Variants in PHACTR1 observed in about 807,000 individuals in gnomAD.
PHACTR1 encodes the protein phosphatase and actin regulator 1.
PHACTR1 carries 16 observed loss-of-function variants against 69.2 expected under a neutral mutation model. The observed-to-expected ratio is 0.23, with a 90% confidence interval of 0.16 to 0.35. The LOEUF is 0.35. PHACTR1 is among the 10% of genes least tolerant of loss of function. The pLI is 1.00. For synonymous variants in PHACTR1, 312 were observed against 284.5 expected (o/e 1.10, Z -0.97); for missense variants, 510 against 734.7 (o/e 0.69, Z 3.54).
At chr6:12,943,083 T>C (rs978344158) in intron 4 of PHACTR1, among the ~76,000 whole-genome samples, 1 of 152,220 alleles carries the variant, frequency 6.6e-6, no homozygotes, top group Non-Finnish European at 1.5e-5. Context: ...CATAGCAGCG[T>C]TACTCACAAT....
intron 5 of PHACTR1, among the ~76,000 whole-genome samples, chr6:13,110,006 G>GT (rs1816787434): frequency 6.6e-6 from 1 of 151,332 alleles, no homozygotes; most frequent in Non-Finnish European, 1.5e-5. Context: ...TTTCTTTGTT[G>GT]TTTTTTTAAT....
At chr6:12,966,655 C>G (rs1307202443) in intron 4 of PHACTR1, among the ~76,000 whole-genome samples, 2 of 152,108 alleles carry the variant, frequency 1.3e-5, no homozygotes, top group Non-Finnish European at 2.9e-5. Context: ...TTCTTCTCTT[C>G]TGGCCTTTAG....
chr6:12,901,428 A>C (rs2127482600), intron 4 of PHACTR1, among the ~76,000 whole-genome samples: 1 of 152,256 alleles, frequency 6.6e-6, no homozygotes, highest in South Asian at 2.1e-4. Flanking sequence ...AGGGAAGGAA[A>C]GGTTGGAGGA....
chr6:13,091,135 C>CA (rs781380890), intron 5 of PHACTR1, among the ~76,000 whole-genome samples: 2 of 151,972 alleles, frequency 1.3e-5, no homozygotes, highest in Non-Finnish European at 2.9e-5. Flanking sequence ...CTCAGCCTCC[C>CA]AAGTAGCTGG....
At chr6:12,906,282 C>G (rs1172642912) in intron 4 of PHACTR1, among the ~76,000 whole-genome samples, 3 of 152,174 alleles carry the variant, frequency 2.0e-5, no homozygotes, top group Non-Finnish European at 2.9e-5. Flanking sequence ...AGAATTGATA[C>G]TTGGCTTACA....
chr6:12,965,982 G>A (rs984095119), intron 4 of PHACTR1, among the ~76,000 whole-genome samples: 8 of 152,140 alleles, frequency 5.3e-5, no homozygotes, highest in East Asian at 1.9e-4. Flanking sequence ...TAAAGGGCCC[G>A]GACATGGCGG....
intron 4 of PHACTR1, among the ~76,000 whole-genome samples, chr6:13,014,398 C>T (rs1410436178): frequency 6.6e-6 from 1 of 152,196 alleles, no homozygotes; most frequent in East Asian, 1.9e-4. Context: ...GTTAAAAGAG[C>T]AAGTCTGGGA....
intron 7 of PHACTR1, among the ~76,000 whole-genome samples, chr6:13,185,739 A>G (rs189278647): frequency 3.4e-3 from 515 of 152,316 alleles, no homozygotes; most frequent in Non-Finnish European, 4.8e-3. Context: ...TCCAACTTTG[A>G]TAATAGTTTC....
In PHACTR1 at chr6:12,896,166, G is replaced by A. The variant is rs140624244; in HGVS notation, c.250+146376G>A. Among the ~76,000 whole-genome samples the A allele has an allele frequency of 2.6e-5, 4 of 152,290 alleles. No homozygotes were observed. In the South Asian group the frequency reaches 6.2e-4, roughly 24 times the overall value. On this transcript the variant is annotated intron_variant, in intron 4 of 14. Transcript: ENST00000332995. ...CCAATACCACAATGACTTTATGTACGTCAGGCATAGCCCTTGTGTACGTAA... is the reference window on the plus strand; with the variant it reads ...CCAATACCACAATGACTTTATGTACATCAGGCATAGCCCTTGTGTACGTAA...
chr6:13,017,405 G>A (rs1441437691), intron 4 of PHACTR1, among the ~76,000 whole-genome samples: 4 of 152,054 alleles, frequency 2.6e-5, no homozygotes, highest in Admixed American at 6.6e-5. Flanking sequence ...GAATGAGAAG[G>A]AATTGCAGAA....
intron 4 of PHACTR1, chr6:12,933,598 A>G: frequency 6.2e-7 from 1 of 1,607,768 alleles, no homozygotes; most frequent in Non-Finnish European, 8.5e-7. Context: ...ACCTGGGCTC[A>G]CACCTTAATG....
chr6:12,726,750 T>C (rs1339961002), intron 3 of PHACTR1, among the ~76,000 whole-genome samples: 3 of 152,192 alleles, frequency 2.0e-5, no homozygotes, highest in Non-Finnish European at 4.4e-5. Flanking sequence ...GCAGGAACAG[T>C]GCTTGCAAGT....
chr6:13,038,483 G>A (rs1803671768), intron 4 of PHACTR1, among the ~76,000 whole-genome samples: 1 of 128,060 alleles, frequency 7.8e-6, no homozygotes, highest in African/African-American at 3.0e-5. Context: ...GAGTGTTCAA[G>A]TGTTTAAAAA....
At chr6:12,870,872 T>C (rs1781961053) in intron 4 of PHACTR1, among the ~76,000 whole-genome samples, 1 of 152,214 alleles carries the variant, frequency 6.6e-6, no homozygotes, top group African/African-American at 2.4e-5. Flanking sequence ...TGTTTTTGTT[T>C]TTTATAAATT....
intron 3 of PHACTR1, among the ~76,000 whole-genome samples, chr6:12,748,809 AGTG>A (rs1766150049): frequency 6.6e-6 from 1 of 152,360 alleles, no homozygotes; most frequent in South Asian, 2.1e-4. Context: ...CCCAGAAGTT[AGTG>A]GTTAGAAAAG....
In PHACTR1 at chr6:13,194,675, T is replaced by C. The variant is rs549135036; in HGVS notation, c.665-11140T>C. Among the ~76,000 whole-genome samples the C allele has an allele frequency of 2.0e-5, 3 of 152,328 alleles. No individual in the cohort carries two copies. In the South Asian group the frequency reaches 6.2e-4, roughly 32 times the overall value. Reference sequence around the variant, plus strand: ...TTTAAATGTTTTCACTGCCAAAACATGATAAGTATGTAAGGTGATGGATTT... The same window carrying C: ...TTTAAATGTTTTCACTGCCAAAACACGATAAGTATGTAAGGTGATGGATTT... On this transcript the variant is annotated intron_variant, in intron 7 of 14. Coordinates refer to ENST00000332995, the MANE Select transcript of PHACTR1 (RefSeq NM_030948.6).
At chr6:12,961,847 C>T (rs1027563351) in intron 4 of PHACTR1, among the ~76,000 whole-genome samples, 2 of 152,240 alleles carry the variant, frequency 1.3e-5, no homozygotes, top group East Asian at 3.9e-4. Context: ...TTGTAGATGG[C>T]CACGTTCTCA....
chr6:12,896,186 A>G lies in PHACTR1; in HGVS notation c.250+146396A>G, dbSNP rs184575699. Among the ~76,000 whole-genome samples the G allele has an allele frequency of 3.3e-5, 5 of 152,362 alleles. 1 individual carries two copies. The East Asian group carries it at 9.6e-4, about 29-fold the overall frequency. On this transcript the variant is annotated intron_variant, in intron 4 of 14. Transcript: ENST00000332995. ...TGTACGTCAGGCATAGCCCTTGTGT[A>G]CGTAAAGACATAAACTACACATTGC...
intron 3 of PHACTR1, among the ~76,000 whole-genome samples, chr6:12,733,592 C>T (rs1561830315): frequency 6.6e-6 from 1 of 152,164 alleles, no homozygotes; most frequent in Non-Finnish European, 1.5e-5. Flanking sequence ...GGAGCCAGAA[C>T]CCAGTTTCTC....
Sources: allele counts gnomAD v4.1 joint callset (sites outside exome capture counted in the v4.1 genomes callset), GRCh38; gene constraint gnomAD v4.1.1; transcripts MANE v1.5; gene names NCBI Gene and HGNC (gene_info 2026-07-23, HGNC 2026-07-21).